TENM3: variants seen among roughly 807,000 people sequenced by gnomAD.
TENM3 encodes the protein teneurin-3.
In TENM3, 63 loss-of-function variants were observed where a neutral mutation model predicts 255.1. That is an observed-to-expected ratio of 0.25 (90% CI 0.20 to 0.30). The LOEUF (loss-of-function observed/expected upper bound fraction) is 0.30. Ranked by LOEUF, TENM3 falls within the 10% of genes least tolerant of loss-of-function variation. TENM3 has a pLI of 1.00. For missense variants in TENM3, 2,929 were observed against 3,461.1 expected, an observed-to-expected ratio of 0.85 and a Z score of 3.86; for synonymous variants, 1,306 against 1,322.3, an observed-to-expected ratio of 0.99 and a Z score of 0.27.
intron 3 of TENM3, among the ~76,000 whole-genome samples, chr4:182,386,657 T>C (rs1044757002): frequency 2.0e-5 from 3 of 152,292 alleles, no homozygotes; most frequent in South Asian, 4.1e-4. Context: ...CACTCGGAGC[T>C]GCCGGCCGGC....
the TENM3 span, among the ~76,000 whole-genome samples, chr4:181,827,877 CA>C: frequency 6.6e-6 from 1 of 152,002 alleles, no homozygotes; most frequent in Non-Finnish European, 1.5e-5. Context: ...AGTATGAAAA[CA>C]AAACAAGAGA....
the TENM3 span, among the ~76,000 whole-genome samples, chr4:181,468,490 G>A: frequency 1.3e-5 from 2 of 152,134 alleles, no homozygotes; most frequent in African/African-American, 4.8e-5. Flanking sequence ...CCTCAGATAG[G>A]AATTCCAGTC....
At chr4:182,412,129 G>T (rs1201977531) in intron 3 of TENM3, among the ~76,000 whole-genome samples, 1 of 152,178 alleles carries the variant, frequency 6.6e-6, no homozygotes, top group African/African-American at 2.4e-5. Flanking sequence ...TAAAAAGCCT[G>T]TAAGCTCCTC....
intron 1 of TENM3, among the ~76,000 whole-genome samples, chr4:182,321,920 G>T (rs754967856): frequency 7.2e-5 from 11 of 151,970 alleles, no homozygotes; most frequent in Non-Finnish European, 1.6e-4. Flanking sequence ...ACTCCAGCCT[G>T]GGCAACAGAG....
intron 3 of TENM3, among the ~76,000 whole-genome samples, chr4:182,440,590 G>A (rs965435636): frequency 6.6e-6 from 1 of 152,192 alleles, no homozygotes; most frequent in Non-Finnish European, 1.5e-5. Flanking sequence ...CAGTCCTACA[G>A]AGGAAGTTCA....
At chr4:181,750,903 G>T in the TENM3 span, among the ~76,000 whole-genome samples, 1 of 152,128 alleles carries the variant, frequency 6.6e-6, no homozygotes, top group African/African-American at 2.4e-5. Flanking sequence ...TTTTAGAAAA[G>T]GACAATCAAT....
intron 3 of TENM3, among the ~76,000 whole-genome samples, chr4:182,548,180 A>AT (rs1243947641): frequency 6.6e-6 from 1 of 152,104 alleles, no homozygotes; most frequent in Admixed American, 6.5e-5. Context: ...ATCTATGATC[A>AT]TACCACTGTG....
At chr4:182,763,390 C>G (rs1311190545) in intron 22 of TENM3, among the ~76,000 whole-genome samples, 3 of 152,044 alleles carry the variant, frequency 2.0e-5, no homozygotes, top group Admixed American at 2.0e-4. Flanking sequence ...ACGGTGAAAC[C>G]CCATCTCTAC....
chr4:181,969,502 A>G, the TENM3 span, among the ~76,000 whole-genome samples: 5 of 152,192 alleles, frequency 3.3e-5, no homozygotes, highest in East Asian at 9.6e-4. Context: ...TGCCACCGCA[A>G]TATGCATGAC....
chr4:181,738,199 G>T, the TENM3 span, among the ~76,000 whole-genome samples: 3 of 152,228 alleles, frequency 2.0e-5, no homozygotes, highest in Non-Finnish European at 2.9e-5. Flanking sequence ...CTTTTGTAAG[G>T]TTTGTGGCTG....
At chr4:182,473,432 G>A (rs2151466041) in intron 3 of TENM3, among the ~76,000 whole-genome samples, 1 of 152,314 alleles carries the variant, frequency 6.6e-6, no homozygotes, top group African/African-American at 2.4e-5. Context: ...CCAGCACTTT[G>A]GGAGGCCAAG....
intron 3 of TENM3, among the ~76,000 whole-genome samples, chr4:182,461,971 A>C (rs62337168): frequency 6.6e-6 from 1 of 151,316 alleles, no homozygotes; most frequent in East Asian, 1.9e-4. Flanking sequence ...TTCTTTGTCA[A>C]CTCTTGTCAA....
the TENM3 span, among the ~76,000 whole-genome samples, chr4:181,608,888 C>T: frequency 2.0e-5 from 3 of 152,170 alleles, no homozygotes; most frequent in East Asian, 1.9e-4. Flanking sequence ...CATTCACACC[C>T]GCTAATAGTA....
the TENM3 span, among the ~76,000 whole-genome samples, chr4:181,994,478 C>T: frequency 2.0e-5 from 3 of 151,748 alleles, no homozygotes; most frequent in African/African-American, 7.3e-5. Flanking sequence ...AGTGGCTTCC[C>T]GAAATATCAG....
At position 182,324,052 on chromosome 4, in the gene TENM3, C is replaced by G. The variant is rs1763231014; in HGVS notation, c.32C>G (p.Ser11Cys). ...GTGAAAGAACGCAGGCCTTACTGCT[C>G]CCTGACCAAGAGCAGACGAGAGAAG... The part of the protein sequence containing the change: MDVKERRPYC[S>C]LTKSRREKER... The change falls in exon 2 of 28, where the codon TCC (serine) becomes TGC (cysteine). Residue 11 changes from serine to cysteine, a missense_variant. By Grantham distance (112) the Ser-to-Cys change is moderately radical. Around this residue, in one of 6 missense-constraint regions of TENM3, gnomAD observed 283 missense variants for 256.9 expected, o/e 1.10. Coordinates refer to ENST00000511685, the MANE Select transcript of TENM3 (RefSeq NM_001080477.4). 6.2e-7 allele frequency: 1 copy of G among 1,613,936 alleles called. No homozygotes were observed. Among genetic ancestry groups the G allele is most frequent in the East Asian group, 2.2e-5 (1 of 44,862 alleles).
intron 4 of TENM3, among the ~76,000 whole-genome samples, chr4:182,606,586 A>G (rs1748461133): frequency 6.6e-6 from 1 of 152,048 alleles, no homozygotes; most frequent in Non-Finnish European, 1.5e-5. Flanking sequence ...ATTTACTCAA[A>G]GAATAAACAT....
At chr4:182,050,243 T>G in the TENM3 span, among the ~76,000 whole-genome samples, 1 of 152,134 alleles carries the variant, frequency 6.6e-6, no homozygotes, top group Non-Finnish European at 1.5e-5. Flanking sequence ...TCCACCCACC[T>G]CGGCCTCCCA....
At chr4:182,082,503 C>T in the TENM3 span, among the ~76,000 whole-genome samples, 5 of 152,206 alleles carry the variant, frequency 3.3e-5, no homozygotes, top group African/African-American at 1.2e-4. Flanking sequence ...TATTGAAAAA[C>T]ACATATATTA....
intron 3 of TENM3, among the ~76,000 whole-genome samples, chr4:182,512,409 A>G (rs79341728): frequency 0.039 from 6,007 of 152,264 alleles, 230 homozygotes; most frequent in East Asian, 0.11. Context: ...GCATTAGACT[A>G]AGGTTAGAAT....
Sources: allele counts gnomAD v4.1 joint callset (sites outside exome capture counted in the v4.1 genomes callset), GRCh38; gene constraint gnomAD v4.1.1; regional missense constraint gnomAD v4.1.1; transcripts MANE v1.5; gene names NCBI Gene and HGNC (gene_info 2026-07-23, HGNC 2026-07-21).